Variants in PKD1L1 observed in about 807,000 individuals in gnomAD.
PKD1L1 encodes the protein polycystin-1-like protein 1.
In PKD1L1, 236 loss-of-function variants were observed where a neutral mutation model predicts 323.4. That is an observed-to-expected ratio of 0.73 (90% CI 0.66 to 0.81). The LOEUF (loss-of-function observed/expected upper bound fraction) is 0.81, where lower values mean the gene tolerates loss of function less well. PKD1L1 is among the 40% of genes least tolerant of loss of function. PKD1L1 has a pLI of 0.00. For synonymous variants in PKD1L1, 1,344 were observed against 1,335.0 expected (o/e 1.01, Z -0.15); for missense variants, 3,320 against 3,508.0 (o/e 0.95, Z 1.35).
Position 47,840,315 on chromosome 7 carries a change from A to T in PKD1L1, c.5552+146T>A. 1.7e-6 allele frequency: 1 copy of T among 592,804 alleles called. No homozygotes were observed. The highest frequency in any genetic ancestry group is 3.0e-6 in the Non-Finnish European group (1 of 332,768). 36.7% of individuals were successfully genotyped at this position (592,804 alleles called of 1,614,324 possible). Reference sequence around the variant, plus strand: ...CTACTCAGAATAATAAACTAAAAATACATCATAAAATTGTTTGTATATAAA... The same window carrying T: ...CTACTCAGAATAATAAACTAAAAATTCATCATAAAATTGTTTGTATATAAA... On this transcript the variant is annotated intron_variant, in intron 35 of 56. Coordinates refer to ENST00000289672, the MANE Select transcript of PKD1L1 (RefSeq NM_138295.5). The surrounding 1 kb of genome is among the most constrained non-coding windows in gnomAD (Gnocchi z 4.1).
intron 26 of PKD1L1, among the ~76,000 whole-genome samples, chr7:47,861,039 C>T (rs1786011839): frequency 6.6e-6 from 1 of 152,156 alleles, no homozygotes; most frequent in South Asian, 2.1e-4. Flanking sequence ...CTTAGGAAGC[C>T]ACAGAGTGGA....
At chr7:47,953,723 T>G in the PKD1L1 span, among the ~76,000 whole-genome samples, 1 of 152,172 alleles carries the variant, frequency 6.6e-6, no homozygotes, top group Non-Finnish European at 1.5e-5. Context: ...GAAGGCCAAA[T>G]TTGAACTAGG....
intron 56 of PKD1L1, among the ~76,000 whole-genome samples, chr7:47,788,363 T>A (rs1028920099): frequency 1.3e-5 from 2 of 150,478 alleles, no homozygotes; most frequent in African/African-American, 4.8e-5. Context: ...CGATCTCTGC[T>A]CACTGCAACC....
chr7:47,907,783 C>T (rs1787237840), intron 9 of PKD1L1, among the ~76,000 whole-genome samples: 1 of 152,192 alleles, frequency 6.6e-6, no homozygotes, highest in Non-Finnish European at 1.5e-5. Flanking sequence ...GCCCCTTAGC[C>T]ATATCCTTCC....
At chr7:47,917,116 T>C (rs1161262626) in intron 7 of PKD1L1, among the ~76,000 whole-genome samples, 1 of 151,974 alleles carries the variant, frequency 6.6e-6, no homozygotes, top group Non-Finnish European at 1.5e-5. Flanking sequence ...AGGAAACAGA[T>C]AGCATAAATA....
intron 45 of PKD1L1, among the ~76,000 whole-genome samples, chr7:47,825,045 T>C (rs1785215853): frequency 6.6e-6 from 1 of 152,232 alleles, no homozygotes; most frequent in Admixed American, 6.5e-5. Flanking sequence ...CCATTTTGCA[T>C]TTACACCAGC....
At chr7:47,900,025 T>C (rs1447849684) in intron 13 of PKD1L1, among the ~76,000 whole-genome samples, 1 of 151,556 alleles carries the variant, frequency 6.6e-6, no homozygotes, top group Non-Finnish European at 1.5e-5. Context: ...GAAATCTTGG[T>C]GCTCATTATA....
chr7:47,804,917 G>A (rs577358710), intron 52 of PKD1L1, among the ~76,000 whole-genome samples: 2 of 152,230 alleles, frequency 1.3e-5, no homozygotes, highest in Admixed American at 6.5e-5. Flanking sequence ...TGGACAACAC[G>A]GCTATAAACC....
chr7:47,839,755 G>T lies in PKD1L1; in HGVS notation c.5553-93C>A. 1 of 1,214,976 alleles carries T rather than the reference G, an allele frequency of 8.2e-7. No homozygotes were observed. Among genetic ancestry groups the T allele is most frequent in the Non-Finnish European group, 1.2e-6 (1 of 860,232 alleles). 75.3% of individuals were successfully genotyped at this position (1,214,976 alleles called of 1,614,324 possible). ...CAATGCTCACCCTCAAGGCACTGAT[G>T]GCCCACAGAGGGTGGATGGGACATG... On this transcript the variant is annotated intron_variant, in intron 35 of 56. Transcript: ENST00000289672. The surrounding 1 kb of genome is among the most constrained non-coding windows in gnomAD (Gnocchi z 4.3).
chr7:47,932,442 C>T (rs906383424), intron 4 of PKD1L1, among the ~76,000 whole-genome samples: 5 of 152,190 alleles, frequency 3.3e-5, no homozygotes, highest in African/African-American at 4.8e-5. Context: ...GAGGGGGCAC[C>T]GCGGAAGGCC....
At chr7:47,959,145 G>A in the PKD1L1 span, among the ~76,000 whole-genome samples, 1 of 152,152 alleles carries the variant, frequency 6.6e-6, no homozygotes, top group African/African-American at 2.4e-5. Context: ...CCAGGCTGGA[G>A]TGCAGTGGCG....
rs1409353092 is a variant in PKD1L1, at chr7:47,829,310, G to A, written c.6735+115C>T. The A allele has an allele frequency of 4.0e-6, 4 of 1,006,582 alleles. No individual in the cohort carries two copies. In the East Asian group the frequency reaches 1.1e-4, roughly 26 times the overall value. 62.4% of individuals were successfully genotyped at this position (1,006,582 alleles called of 1,614,324 possible). On this transcript the variant is annotated intron_variant, in intron 44 of 56. Transcript: ENST00000289672. ...AGCATAAGAAATTAAGACATCCCATGGGTCTCCAAAGATGCAACCCAATCT... is the reference window on the plus strand; with the variant it reads ...AGCATAAGAAATTAAGACATCCCATAGGTCTCCAAAGATGCAACCCAATCT...
intron 3 of PKD1L1, among the ~76,000 whole-genome samples, chr7:47,938,504 G>A (rs1219518863): frequency 6.6e-6 from 1 of 152,196 alleles, no homozygotes; most frequent in Admixed American, 6.5e-5. Context: ...CAGCATGGGA[G>A]ACACAGGGCT....
At chr7:47,919,342 C>T (rs758940530) in intron 7 of PKD1L1, among the ~76,000 whole-genome samples, 13 of 152,086 alleles carry the variant, frequency 8.5e-5, no homozygotes, top group Middle Eastern at 6.8e-3. Flanking sequence ...TTAGATACCA[C>T]GAACAGACCA....
At chr7:47,797,228 C>T (rs1230188224) in intron 54 of PKD1L1, among the ~76,000 whole-genome samples, 1 of 152,172 alleles carries the variant, frequency 6.6e-6, no homozygotes, top group Non-Finnish European at 1.5e-5. Flanking sequence ...CCCCTGAGAT[C>T]GCCCTTGCTC....
At chr7:47,846,236 A>G (rs1398607340) in intron 32 of PKD1L1, among the ~76,000 whole-genome samples, 1 of 152,214 alleles carries the variant, frequency 6.6e-6, no homozygotes, top group Non-Finnish European at 1.5e-5. Context: ...ATCCTAATGA[A>G]AAGGTAAGGG....
Position 47,840,477 on chromosome 7 carries a change from G to A in PKD1L1, c.5536C>T (p.His1846Tyr). The A allele has an allele frequency of 6.2e-7, 1 of 1,613,558 alleles. No individual in the cohort carries two copies. The highest frequency in any genetic ancestry group is 8.5e-7 in the Non-Finnish European group (1 of 1,179,482). The change falls in exon 35 of 57, where the codon CAC becomes TAC. Residue 1846 changes from histidine (H) to tyrosine (Y), a missense_variant. His to Tyr is a moderately conservative substitution (Grantham distance 83). Coordinates refer to ENST00000289672, the MANE Select transcript of PKD1L1 (RefSeq NM_138295.5). This position sits in a 1 kb window ranked among gnomAD's most constrained non-coding sequence, Gnocchi z 4.1. ...TTGGAATACCTCAGGATAAAGGTGT[G>A]TCTGGAATTCCTTTCAAACAGGGGC... ...EKPLFERNSR[H>Y]TFILSAPAQL...
chr7:47,959,659 GC>G, the PKD1L1 span, among the ~76,000 whole-genome samples: 4 of 121,968 alleles, frequency 3.3e-5, no homozygotes, highest in East Asian at 2.8e-4. Context: ...GTGGGGGTCA[GC>G]CCCCGCCAGG....
intron 2 of PKD1L1, among the ~76,000 whole-genome samples, chr7:47,942,785 G>A (rs1788014807): frequency 6.6e-6 from 1 of 152,136 alleles, no homozygotes. Flanking sequence ...GTGGCCCCCA[G>A]ATCTCAGCCT....
Sources: allele counts gnomAD v4.1 joint callset (sites outside exome capture counted in the v4.1 genomes callset), GRCh38; gene constraint gnomAD v4.1.1; non-coding constraint Gnocchi (gnomAD v3.1); transcripts MANE v1.5; gene names NCBI Gene and HGNC (gene_info 2026-07-23, HGNC 2026-07-21).